The following GNA12 variants were observed in gnomAD, a reference collection of about 807,000 sequenced individuals.
GNA12 encodes guanine nucleotide-binding protein subunit alpha-12.
A neutral mutation model predicts 26.0 loss-of-function variants in GNA12; 9 were observed. The observed-to-expected ratio is 0.35, with a 90% confidence interval of 0.21 to 0.60. The LOEUF is 0.60. GNA12 is among the 20% of genes least tolerant of loss of function. The pLI is 0.78. For missense variants in GNA12, 405 were observed against 525.8 expected (o/e 0.77, Z 2.25); for synonymous variants, 264 against 219.6 (o/e 1.20, Z -1.79).
At chr7:2,827,454 C>G (rs1793510935) in intron 1 of GNA12, among the ~76,000 whole-genome samples, 1 of 152,208 alleles carries the variant, frequency 6.6e-6, no homozygotes, top group Non-Finnish European at 1.5e-5. Context: ...GAAACTTCAG[C>G]TGGTCAGGTG....
chr7:2,737,751 T>G (rs1790281529), intron 2 of GNA12, among the ~76,000 whole-genome samples: 1 of 152,252 alleles, frequency 6.6e-6, no homozygotes, highest in African/African-American at 2.4e-5. Context: ...ATTTTAAAAC[T>G]GCTGTGTATG....
At chr7:2,737,904 G>C (rs145868113) in intron 2 of GNA12, among the ~76,000 whole-genome samples, 152 of 152,210 alleles carry the variant, frequency 1.0e-3, no homozygotes, top group African/African-American at 3.5e-3. Context: ...TTTAAAAACA[G>C]TATCTAGTTC....
Position 2,775,770 on chromosome 7 carries a change from G to T in GNA12, c.525+19158C>A, listed in dbSNP as rs150758196. On this transcript the variant is annotated intron_variant, in intron 2 of 3. Transcript: ENST00000275364. ...AAGAGACCTCAGAGGCTCATCAGTG[G>T]CTCTCAATACAGGCCAGGCTCAGAA... 1.8e-3 allele frequency among the ~76,000 whole-genome samples: 278 copies of T among 152,318 alleles called. 1 individual carries two copies. Among genetic ancestry groups the T allele is most frequent in the African/African-American group, 6.3e-3 (264 of 41,586 alleles).
chr7:2,740,745 T>C (rs1210265038), intron 2 of GNA12, among the ~76,000 whole-genome samples: 1 of 152,176 alleles, frequency 6.6e-6, no homozygotes, highest in East Asian at 1.9e-4. Context: ...GATTCAGCCC[T>C]TAAAACTACA....
rs1235157067 is a variant in GNA12 at position 2,728,835 on chromosome 7, C to CG, written c.*2345dup. On this transcript the variant is annotated 3_prime_UTR_variant, in exon 4 of 4. Transcript: ENST00000275364. ...TCTTTAAAAACGTTCTAATTCACCC[C>CG]GGTCATGAGGAGGAGGAGGAGGAAG... The CG allele has an allele frequency of 2.6e-5, 4 of 152,386 alleles. No homozygotes were observed. The highest frequency in any genetic ancestry group is 7.2e-5 in the African/African-American group (3 of 41,426). The allele number at this position is 152,386 out of a possible 1,614,324, so 9.4% of individuals were successfully genotyped here.
At chr7:2,773,475 T>C (rs1357304137) in intron 2 of GNA12, among the ~76,000 whole-genome samples, 3 of 152,072 alleles carry the variant, frequency 2.0e-5, no homozygotes, top group Non-Finnish European at 4.4e-5. Flanking sequence ...GGCAGGAGAA[T>C]TGCTTGAACC....
chr7:2,743,137 C>G (rs1370400901), intron 2 of GNA12, among the ~76,000 whole-genome samples: 1 of 152,320 alleles, frequency 6.6e-6, no homozygotes, highest in East Asian at 1.9e-4. Flanking sequence ...ACCTCAAGTT[C>G]TGTGCATAAA....
chr7:2,800,790 A>C (rs1394810367), intron 1 of GNA12, among the ~76,000 whole-genome samples: 1 of 152,086 alleles, frequency 6.6e-6, no homozygotes, highest in Non-Finnish European at 1.5e-5. Context: ...ACCTAGAGGG[A>C]AAATGTGACT....
chr7:2,744,672 T>C (rs1303210587), intron 2 of GNA12, among the ~76,000 whole-genome samples: 1 of 152,128 alleles, frequency 6.6e-6, no homozygotes, highest in Admixed American at 6.5e-5. Context: ...GGATGGACAA[T>C]GACTTTGACG....
At chr7:2,829,901 CCT>C (rs1373214705) in intron 1 of GNA12, among the ~76,000 whole-genome samples, 1 of 152,134 alleles carries the variant, frequency 6.6e-6, no homozygotes, top group Non-Finnish European at 1.5e-5. Flanking sequence ...GCTTTCAATC[CCT>C]GTCTGAGGAA....
intron 2 of GNA12, among the ~76,000 whole-genome samples, chr7:2,766,570 G>GA (rs1201831648): frequency 2.0e-5 from 3 of 151,914 alleles, no homozygotes; most frequent in Non-Finnish European, 4.4e-5. Context: ...ATTTTAAATA[G>GA]AGACAGGGTT....
At chr7:2,809,337 G>T (rs976023676) in intron 1 of GNA12, among the ~76,000 whole-genome samples, 6 of 152,194 alleles carry the variant, frequency 3.9e-5, no homozygotes, top group Admixed American at 1.3e-4. Flanking sequence ...GCAGTGAGGA[G>T]CACTCAAGTA....
intron 2 of GNA12, among the ~76,000 whole-genome samples, chr7:2,735,088 C>G (rs1790097932): frequency 6.8e-6 from 1 of 147,940 alleles, no homozygotes; most frequent in South Asian, 2.2e-4. Context: ...CAGGAAGCAG[C>G]TGGGAGAAGC....
chr7:2,831,875 T>C (rs1279785598), intron 1 of GNA12, among the ~76,000 whole-genome samples: 1 of 152,204 alleles, frequency 6.6e-6, no homozygotes, highest in Non-Finnish European at 1.5e-5. Flanking sequence ...TATTCCCTCT[T>C]ACCTGTAATG....
chr7:2,733,160 T>C (rs1026887374), intron 3 of GNA12, among the ~76,000 whole-genome samples: 4 of 152,236 alleles, frequency 2.6e-5, no homozygotes, highest in African/African-American at 9.7e-5. Context: ...TATTTGTTTT[T>C]GAGTATGTTT....
At chr7:2,734,493 T>C (rs1339823347) in intron 2 of GNA12, among the ~76,000 whole-genome samples, 1 of 152,124 alleles carries the variant, frequency 6.6e-6, no homozygotes, top group African/African-American at 2.4e-5. Context: ...TGTGGCGAGC[T>C]GACGCAGGAG....
chr7:2,760,993 C>T (rs1791527483), intron 2 of GNA12, among the ~76,000 whole-genome samples: 1 of 152,222 alleles, frequency 6.6e-6, no homozygotes, highest in Non-Finnish European at 1.5e-5. Context: ...TCTCAGTCCT[C>T]ACAGTTCATG....
chr7:2,737,273 TG>T (rs370284768), intron 2 of GNA12, among the ~76,000 whole-genome samples: 5,943 of 85,632 alleles, frequency 0.069, 403 homozygotes, highest in African/African-American at 0.14. Context: ...AGTTTTGTTT[TG>T]TTTTTTTTTT....
At chr7:2,755,519 T>C (rs1206856397) in intron 2 of GNA12, among the ~76,000 whole-genome samples, 2 of 152,254 alleles carry the variant, frequency 1.3e-5, no homozygotes, top group Non-Finnish European at 2.9e-5. Flanking sequence ...TGGTGTTGCA[T>C]CTTAAATTTG....
Sources: allele counts gnomAD v4.1 joint callset (sites outside exome capture counted in the v4.1 genomes callset), GRCh38; gene constraint gnomAD v4.1.1; transcripts MANE v1.5; gene names NCBI Gene and HGNC (gene_info 2026-07-23, HGNC 2026-07-21).